Variants in BCL2 observed in about 807,000 individuals in gnomAD.
BCL2 encodes the protein BCL2 apoptosis regulator, also known as apoptosis regulator Bcl-2.
A neutral mutation model predicts 14.2 loss-of-function variants in BCL2; 1 was observed. The observed-to-expected ratio is 0.07, with a 90% CI of 0.02 to 0.33. The LOEUF (loss-of-function observed/expected upper bound fraction) is 0.33. Ranked by LOEUF, BCL2 falls within the 10% of genes least tolerant of loss-of-function variation. The probability of loss-of-function intolerance (pLI) is 0.99; values close to 1 mark genes in which losing one functional copy is unlikely to be tolerated. For missense variants in BCL2, 247 were observed against 305.9 expected, an observed-to-expected ratio of 0.81 and a Z score of 1.44; for synonymous variants, 151 against 137.2, an observed-to-expected ratio of 1.10 and a Z score of -0.70.
chr18:63,249,059 T>C (rs1474829721), intron 2 of BCL2, among the ~76,000 whole-genome samples: 2 of 152,210 alleles, frequency 1.3e-5, no homozygotes, highest in African/African-American at 4.8e-5. Flanking sequence ...ATCATGCATA[T>C]GGGCATATTA....
chr18:63,227,416 C>T (rs1488626507), intron 2 of BCL2, among the ~76,000 whole-genome samples: 1 of 152,160 alleles, frequency 6.6e-6, no homozygotes, highest in Non-Finnish European at 1.5e-5. Context: ...ACCGTATTGC[C>T]CAGGCTAGTC....
At chr18:63,257,236 G>A (rs1489671809) in intron 2 of BCL2, among the ~76,000 whole-genome samples, 3 of 152,158 alleles carry the variant, frequency 2.0e-5, no homozygotes, top group African/African-American at 4.8e-5. Context: ...AAAACTCACA[G>A]AGAGACCCAT....
chr18:63,165,663 T>C (rs1010606679), intron 2 of BCL2, among the ~76,000 whole-genome samples: 32 of 152,194 alleles, frequency 2.1e-4, no homozygotes, highest in African/African-American at 7.7e-4. Flanking sequence ...GCCTCGGGCC[T>C]AGGTGTTTTA....
At chr18:63,264,142 A>G (rs1005703042) in intron 2 of BCL2, among the ~76,000 whole-genome samples, 4 of 152,242 alleles carry the variant, frequency 2.6e-5, no homozygotes, top group African/African-American at 9.6e-5. Context: ...GAATCCGCGG[A>G]CTGCACCTTA....
At position 63,149,657 on chromosome 18, in the gene BCL2, G is replaced by A. The variant is rs12457190; in HGVS notation, c.586-20898C>T. Among the ~76,000 whole-genome samples, 16,093 of 152,090 alleles carry A rather than the reference G, an allele frequency of 0.11. 1,309 individuals are homozygous for A. The highest frequency in any genetic ancestry group is 0.37 in the East Asian group (1,891 of 5,166). On this transcript the variant is annotated intron_variant, in intron 2 of 2. Coordinates refer to ENST00000333681, the MANE Select transcript of BCL2 (RefSeq NM_000633.3). The surrounding 1 kb of genome is among the most constrained non-coding windows in gnomAD (Gnocchi z 4.2). ...TTCAAACTCTTTGCTTGATGTAATCGCCAATTTTCATTTCAGGCCTGAAAA... is the reference window on the plus strand; with the variant it reads ...TTCAAACTCTTTGCTTGATGTAATCACCAATTTTCATTTCAGGCCTGAAAA...
chr18:63,274,250 T>C (rs1009701362), intron 2 of BCL2, among the ~76,000 whole-genome samples: 2 of 150,764 alleles, frequency 1.3e-5, no homozygotes, highest in African/African-American at 4.9e-5. Flanking sequence ...CCATCTACCA[T>C]GGGAGTCAAG....
At chr18:63,131,311 GGCTTTC>G (rs1301429789) in intron 2 of BCL2, among the ~76,000 whole-genome samples, 1 of 152,064 alleles carries the variant, frequency 6.6e-6, no homozygotes, top group East Asian at 1.9e-4. Context: ...AGGGCGCAAG[GGCTTTC>G]TTCTTCTTTT....
At chr18:63,214,302 A>G (rs958178428) in intron 2 of BCL2, among the ~76,000 whole-genome samples, 1 of 152,210 alleles carries the variant, frequency 6.6e-6, no homozygotes, top group Non-Finnish European at 1.5e-5. Flanking sequence ...GGACTGTGCC[A>G]CCATCTCTGT....
At chr18:63,230,892 T>C (rs1047544181) in intron 2 of BCL2, among the ~76,000 whole-genome samples, 2 of 151,728 alleles carry the variant, frequency 1.3e-5, no homozygotes, top group South Asian at 4.1e-4. Context: ...AAAGTATCAA[T>C]GCAAAAAATC....
intron 2 of BCL2, among the ~76,000 whole-genome samples, chr18:63,301,141 T>A (rs1245554601): frequency 6.6e-6 from 1 of 152,262 alleles, no homozygotes; most frequent in East Asian, 1.9e-4. Flanking sequence ...ATTCCACTTA[T>A]GGGAAGAATC....
chr18:63,247,814 A>C (rs769063382), intron 2 of BCL2, among the ~76,000 whole-genome samples: 7 of 152,188 alleles, frequency 4.6e-5, no homozygotes, highest in Non-Finnish European at 1.0e-4. Flanking sequence ...GAGGCTTCAG[A>C]TAATCTACCA....
At chr18:63,218,524 T>C (rs1470161576) in intron 2 of BCL2, among the ~76,000 whole-genome samples, 1 of 149,452 alleles carries the variant, frequency 6.7e-6, no homozygotes, top group Non-Finnish European at 1.5e-5. Context: ...TACTATTTCA[T>C]CTTATCTCTC....
intron 2 of BCL2, among the ~76,000 whole-genome samples, chr18:63,152,136 C>T (rs1298262157): frequency 6.6e-6 from 1 of 152,220 alleles, no homozygotes; most frequent in Non-Finnish European, 1.5e-5. Flanking sequence ...CCTTCTTGTT[C>T]TCACTGCTTT....
At chr18:63,131,526 C>G (rs1914069695) in intron 2 of BCL2, among the ~76,000 whole-genome samples, 1 of 152,218 alleles carries the variant, frequency 6.6e-6, no homozygotes, top group African/African-American at 2.4e-5. Flanking sequence ...AGCCAGAACT[C>G]TGCCTCTTCC....
rs1276921082 is a variant in BCL2 at position 63,144,031 on chromosome 18, G to GT, written c.586-15273dup. 3.3e-5 allele frequency among the ~76,000 whole-genome samples: 5 copies of GT among 152,338 alleles called. No homozygotes were observed. The East Asian group carries it at 7.7e-4, about 23-fold the overall frequency. ...CCTAAGGTCGTAGGAATAAGCTCAA[G>GT]TTTGGGCTGGTGAAGGCTTCAAGAG... On this transcript the variant is annotated intron_variant, in intron 2 of 2. Coordinates refer to ENST00000333681, the MANE Select transcript of BCL2 (RefSeq NM_000633.3).
intron 2 of BCL2, among the ~76,000 whole-genome samples, chr18:63,199,271 AAC>A (rs550570386): frequency 2.1e-3 from 299 of 145,146 alleles, no homozygotes; most frequent in South Asian, 5.1e-3. Context: ...GCACACACAC[AAC>A]ACACACAGAC....
At chr18:63,173,602 T>C (rs1915280093) in intron 2 of BCL2, among the ~76,000 whole-genome samples, 1 of 152,058 alleles carries the variant, frequency 6.6e-6, no homozygotes, top group Non-Finnish European at 1.5e-5. Context: ...GAAAAACAAA[T>C]CGAAAGAAAA....
At chr18:63,161,786 C>G (rs1194070265) in intron 2 of BCL2, 1 of 152,240 alleles carries the variant, frequency 6.6e-6, no homozygotes, top group Non-Finnish European at 1.5e-5. Flanking sequence ...GCACTACACA[C>G]CACGTCAGCT....
intron 2 of BCL2, among the ~76,000 whole-genome samples, chr18:63,305,932 A>T (rs750082369): frequency 1.3e-5 from 2 of 151,972 alleles, no homozygotes; most frequent in Non-Finnish European, 2.9e-5. Context: ...GACATTATCT[A>T]GGTGTGGTGG....
Sources: allele counts gnomAD v4.1 joint callset (sites outside exome capture counted in the v4.1 genomes callset), GRCh38; gene constraint gnomAD v4.1.1; non-coding constraint Gnocchi (gnomAD v3.1); transcripts MANE v1.5; gene names NCBI Gene and HGNC (gene_info 2026-07-23, HGNC 2026-07-21).